The following SCN7A variants were observed in gnomAD, a reference collection of about 807,000 sequenced individuals.
SCN7A encodes the protein sodium voltage-gated channel alpha subunit 7.
A neutral mutation model predicts 155.2 loss-of-function variants in SCN7A; 138 were observed. The ratio of observed to expected loss-of-function variants is 0.89; its 90% confidence interval spans 0.77 to 1.02. The LOEUF is 1.02. Ranked by LOEUF, SCN7A falls within the 50% of genes least tolerant of loss-of-function variation. The pLI is 0.00. For synonymous variants in SCN7A, 693 were observed against 649.0 expected, an observed-to-expected ratio of 1.07 and a Z score of -1.03; for missense variants, 2,058 against 1,986.6, an observed-to-expected ratio of 1.04 and a Z score of -0.68.
chr2:166,414,107 A>G, intron 21 of SCN7A, among the ~76,000 whole-genome samples: 1 of 85,112 alleles, frequency 1.2e-5, no homozygotes. Flanking sequence ...AATATATTAT[A>G]TATAAATATA....
rs769260862 is a variant in SCN7A, at chr2:166,447,696, G to C, written c.1303C>G (p.Gln435Glu). ...GNETDEAKTI[Q>E]IEMKKRSPIS... ...GGTGACCTTTTCTTCATTTCTATTTGTATGGTCTTGGCCTGAAAAGGAATT... is the reference window on the plus strand; with the variant it reads ...GGTGACCTTTTCTTCATTTCTATTTCTATGGTCTTGGCCTGAAAAGGAATT... The change falls in exon 12 of 26, where the codon CAA becomes GAA. Residue 435 changes from glutamine to glutamate, a missense_variant. Gln to Glu is a conservative substitution (Grantham distance 29). Coordinates refer to ENST00000643258, the MANE Select transcript of SCN7A (RefSeq NM_002976.4). 4 of 1,612,084 alleles carry C rather than the reference G, an allele frequency of 2.5e-6. No homozygotes were observed. The highest frequency in any genetic ancestry group is 3.4e-6 in the Non-Finnish European group (4 of 1,178,672).
chr2:166,480,389 C>T (rs1702894704), intron 2 of SCN7A, among the ~76,000 whole-genome samples: 1 of 150,340 alleles, frequency 6.7e-6, no homozygotes, highest in Admixed American at 6.7e-5. Flanking sequence ...GCCCGGGAGG[C>T]GGAGCTTGCA....
intron 2 of SCN7A, among the ~76,000 whole-genome samples, chr2:166,483,274 A>C (rs1029024759): frequency 3.3e-5 from 5 of 152,056 alleles, no homozygotes; most frequent in African/African-American, 1.2e-4. Flanking sequence ...CCTTATGGCA[A>C]TTATGATTAT....
At position 166,405,778 on chromosome 2, in the gene SCN7A, C is replaced by G. The variant is rs771319659; in HGVS notation, c.4851G>C (p.Thr1617=). 6.2e-7 allele frequency: 1 copy of G among 1,612,904 alleles called. No homozygotes were observed. The highest frequency in any genetic ancestry group is 8.5e-7 in the Non-Finnish European group (1 of 1,179,324). Residue 1617 remains threonine, a synonymous_variant, in exon 26 of 26, where the codon ACG becomes ACC. Coordinates refer to ENST00000643258, the MANE Select transcript of SCN7A (RefSeq NM_002976.4). ...CCTCTTGTTTTCGTTTCAAAGTAGT[C>G]GTAATTGGCTCACATGTGATCTTAA... ...NPFKITCEPI[T]TTLKRKQEAV...
intron 2 of SCN7A, among the ~76,000 whole-genome samples, chr2:166,485,265 C>T (rs565461581): frequency 6.6e-6 from 1 of 152,256 alleles, no homozygotes; most frequent in Non-Finnish European, 1.5e-5. Context: ...TCATCTCAAA[C>T]ACTGGTGGAT....
intron 19 of SCN7A, 95 bp from the exon 20 acceptor site, chr2:166,421,392 C>T (rs549935757): frequency 1.2e-5 from 7 of 566,012 alleles, no homozygotes; most frequent in Non-Finnish European, 2.0e-5. Context: ...CAGATATATA[C>T]AATAAAAGCT....
In SCN7A at chr2:166,404,002, G is replaced by C. The variant is rs1310879704; in HGVS notation, c.*1578C>G. The C allele has an allele frequency of 6.6e-6, 1 of 151,528 alleles. No individual in the cohort carries two copies. The highest frequency in any genetic ancestry group is 2.4e-5 in the African/African-American group (1 of 41,304). 9.4% of individuals were successfully genotyped at this position (151,528 alleles called of 1,614,324 possible). On this transcript the variant is annotated 3_prime_UTR_variant, in exon 26 of 26. Transcript: ENST00000643258. ...TTAGGGCATCCCCTAAAGGCATCTT[G>C]GTTAGGTTATTCAATTTCTGAGGGG...
intron 18 of SCN7A, among the ~76,000 whole-genome samples, chr2:166,426,998 TCAAATA>T (rs1208049870): frequency 6.6e-6 from 1 of 152,156 alleles, no homozygotes; most frequent in African/African-American, 2.4e-5. Flanking sequence ...TCTTCTTTAA[TCAAATA>T]CAAACAAATA....
Position 166,404,102 on chromosome 2 carries a change from T to C in SCN7A, c.*1478A>G, listed in dbSNP as rs1701014499. Reference sequence around the variant, plus strand: ...AATACAATCACTGATACATAAACTATATTGAATGTTATACAACATATTTAA... The same window carrying C: ...AATACAATCACTGATACATAAACTACATTGAATGTTATACAACATATTTAA... On this transcript the variant is annotated 3_prime_UTR_variant, in exon 26 of 26. Coordinates refer to ENST00000643258, the MANE Select transcript of SCN7A (RefSeq NM_002976.4). The C allele has an allele frequency of 6.6e-6, 1 of 151,916 alleles. No individual in the cohort carries two copies. Among genetic ancestry groups the C allele is most frequent in the African/African-American group, 2.4e-5 (1 of 41,406 alleles). 9.4% of individuals were successfully genotyped at this position (151,916 alleles called of 1,614,324 possible).
chr2:166,424,736 AC>A (rs1701586307), intron 18 of SCN7A, among the ~76,000 whole-genome samples: 1 of 152,118 alleles, frequency 6.6e-6, no homozygotes, highest in Admixed American at 6.6e-5. Context: ...TCTATAGCCA[AC>A]CAAAGAAAAA....
intron 20 of SCN7A, among the ~76,000 whole-genome samples, chr2:166,419,553 G>A (rs1701466512): frequency 6.6e-6 from 1 of 151,856 alleles, no homozygotes; most frequent in Admixed American, 6.6e-5. Context: ...TTTTTGTAGA[G>A]ACAGGGTCTT....
At chr2:166,472,475 T>C in intron 5 of SCN7A, 30 bp from the exon 6 acceptor site, 1 of 1,500,286 alleles carries the variant, frequency 6.7e-7, no homozygotes, top group South Asian at 1.2e-5. Context: ...TAAATATTAT[T>C]GGTGAGAATA....
intron 15 of SCN7A, among the ~76,000 whole-genome samples, chr2:166,433,142 C>T (rs1473626692): frequency 2.0e-5 from 3 of 152,028 alleles, no homozygotes; most frequent in East Asian, 3.9e-4. Context: ...TCAAGGTCAT[C>T]GCCAAGGTCG....
chr2:166,472,338 T>A lies in SCN7A; in HGVS notation c.551A>T (p.Asp184Val). Residue 184 changes from aspartate (D) to valine (V), a missense_variant, in exon 6 of 26, where the codon GAT becomes GTT. Coordinates refer to ENST00000643258, the MANE Select transcript of SCN7A (RefSeq NM_002976.4). ...SFLGDPWNWL[D>V]FSVTVFEVII... ...TCACTCAAACACAGTTACGCTGAAA[T>A]CGAGCCAGTTCCATGGATCACCGAG... is the stretch of plus-strand genomic sequence containing the variant. 1 of 1,607,240 alleles carries A rather than the reference T, an allele frequency of 6.2e-7. No homozygotes were observed. Among genetic ancestry groups the A allele is most frequent in the Non-Finnish European group, 8.5e-7 (1 of 1,176,208 alleles).
rs191029969 is a variant in SCN7A at position 166,477,329 on chromosome 2, C to T, written c.234+134G>A. The T allele has an allele frequency of 9.5e-5, 64 of 675,210 alleles. 1 individual carries two copies. The highest frequency in any genetic ancestry group is 1.2e-4 in the East Asian group (4 of 34,526). 41.8% of individuals were successfully genotyped at this position (675,210 alleles called of 1,614,324 possible). A position where few individuals can be genotyped will look rare whatever the true frequency, so the allele number is the denominator to read the frequency against. ...GTTCCCAAAATGAGATATCTTATGTCGTTCTGTAAAATTTAAAATCAGATC... is the reference window on the plus strand; with the variant it reads ...GTTCCCAAAATGAGATATCTTATGTTGTTCTGTAAAATTTAAAATCAGATC... On this transcript the variant is annotated intron_variant, in intron 3 of 25. Coordinates refer to ENST00000643258, the MANE Select transcript of SCN7A (RefSeq NM_002976.4).
At position 166,429,196 on chromosome 2, in the gene SCN7A, C is replaced by G; in HGVS notation, c.2671G>C (p.Gly891Arg). The change falls in exon 17 of 26, where the codon GGT becomes CGT. Residue 891 changes from glycine (G) to arginine (R), a missense_variant. By Grantham distance (125) the Gly-to-Arg change is moderately radical. Transcript: ENST00000643258. The stretch of plus-strand genomic sequence containing the variant: ...TTTTTCAGATGCTTTGATCTTTCAC[C>G]TCCATAGAACATTTCTTCTTCTTCA... ...ISEEEEMFYG[G>R]ERSKHLKNGC... 19 of 1,540,564 alleles carry G rather than the reference C, an allele frequency of 1.2e-5. No homozygotes were observed. The highest frequency in any genetic ancestry group is 1.7e-5 in the Non-Finnish European group (19 of 1,142,024).
chr2:166,444,957 CT>C lies in SCN7A; in HGVS notation c.1430del (p.Lys477SerfsTer7). ...SKKICPLYWYKFAKTFLIWNC... is the reference protein window; with the variant it reads ...SKKICPLYWYXFAKTFLIWNC... Reference sequence around the variant, plus strand: ...TCCAGATCAAGAAAGTTTTAGCAAACTTATACCAGTATAATGGGCATATCTT... The same window carrying C: ...TCCAGATCAAGAAAGTTTTAGCAAACTATACCAGTATAATGGGCATATCTT... On this transcript the variant is annotated frameshift_variant, in exon 13 of 26. Transcript: ENST00000643258. LOFTEE classifies it high-confidence loss of function. 1 of 1,613,076 alleles carries C rather than the reference CT, an allele frequency of 6.2e-7. No individual in the cohort carries two copies. Among genetic ancestry groups the C allele is most frequent in the Non-Finnish European group, 8.5e-7 (1 of 1,179,266 alleles).
intron 11 of SCN7A, among the ~76,000 whole-genome samples, chr2:166,452,587 T>C (rs1702196818): frequency 1.3e-5 from 2 of 152,216 alleles, no homozygotes; most frequent in South Asian, 4.1e-4. Flanking sequence ...ATCATTTTAA[T>C]GTGGCAAATA....
intron 6 of SCN7A, among the ~76,000 whole-genome samples, chr2:166,471,069 A>G (rs1302646787): frequency 6.6e-6 from 1 of 151,890 alleles, no homozygotes; most frequent in African/African-American, 2.4e-5. Context: ...CATTTTAAGT[A>G]TTTAAACTTA....
Sources: allele counts gnomAD v4.1 joint callset (sites outside exome capture counted in the v4.1 genomes callset), GRCh38; gene constraint gnomAD v4.1.1; transcripts MANE v1.5; gene names NCBI Gene and HGNC (gene_info 2026-07-23, HGNC 2026-07-21).